ANKRD9: variants seen among roughly 807,000 people sequenced by gnomAD.
ANKRD9 encodes ankyrin repeat domain 9.
In ANKRD9, 13 loss-of-function variants were observed where a neutral mutation model predicts 19.2. The observed-to-expected ratio is 0.68, with a 90% CI of 0.44 to 1.08. The LOEUF is 1.08. Ranked by LOEUF, ANKRD9 falls within the 50% of genes least tolerant of loss-of-function variation. ANKRD9 has a pLI of 0.00. For synonymous variants in ANKRD9, 278 were observed against 256.8 expected, an observed-to-expected ratio of 1.08 and a Z score of -0.79; for missense variants, 518 against 499.9, an observed-to-expected ratio of 1.04 and a Z score of -0.34.
Position 102,505,271 on chromosome 14 carries a change from A to ACCCC in ANKRD9, c.*1664_*1665insGGGG, listed in dbSNP as rs1273549137. ...CTTCCATACCCTCCAAAGGAGAGGCACCTCCCCCCCCCATGGCATCTCCAA... is the reference window on the plus strand; with the variant it reads ...CTTCCATACCCTCCAAAGGAGAGGCACCCCCCTCCCCCCCCCATGGCATCTCCAA... On this transcript the variant is annotated 3_prime_UTR_variant, in exon 4 of 4. Transcript: ENST00000286918. The ACCCC allele has an allele frequency of 7.3e-5, 9 of 123,810 alleles. No homozygotes were observed. The highest frequency in any genetic ancestry group is 1.3e-4 in the Non-Finnish European group (7 of 52,798). The allele number at this position is 123,810 out of a possible 1,614,324, so 7.7% of individuals were successfully genotyped here.
Position 102,507,456 on chromosome 14 carries a change from G to T in ANKRD9, c.434C>A (p.Ala145Glu). 2 of 1,397,150 alleles carry T rather than the reference G, an allele frequency of 1.4e-6. No homozygotes were observed. The highest frequency in any genetic ancestry group is 1.9e-6 in the Non-Finnish European group (2 of 1,071,796). The allele number at this position is 1,397,150 out of a possible 1,614,324, so 86.5% of individuals were successfully genotyped here. A position where few individuals can be genotyped will look rare whatever the true frequency, so the allele number is the denominator to read the frequency against. The change falls in exon 4 of 4, where the codon GCG (alanine) becomes GAG (glutamate). Residue 145 changes from alanine (A) to glutamate (E), a missense_variant. By Grantham distance (107) the Ala-to-Glu change is moderately radical. Transcript: ENST00000286918. The surrounding 1 kb of genome is among the most constrained non-coding windows in gnomAD (Gnocchi z 9.2). ...TLRDFPAEER[A>E]RVLDRRGCSR... ...GCAGCCACGCCGGTCCAGCACGCGC[G>T]CCCGCTCCTCGGCCGGGAAGTCGCG... is the stretch of plus-strand genomic sequence containing the variant.
rs1251112443 is a variant in ANKRD9, at chr14:102,507,059, C to A, written c.831G>T (p.Ser277=). 1 of 1,555,450 alleles carries A rather than the reference C, an allele frequency of 6.4e-7. No homozygotes were observed. The highest frequency in any genetic ancestry group is 1.9e-5 in the Admixed American group (1 of 53,236). Residue 277 remains serine (S), a synonymous_variant, in exon 4 of 4, where the codon TCG becomes TCT. Transcript: ENST00000286918. The surrounding 1 kb of genome is among the most constrained non-coding windows in gnomAD (Gnocchi z 9.2). ...FQWLAGLAPP[S]LFARAMQVLV... Reference sequence around the variant, plus strand: ...GCACCTGCATGGCGCGCGCGAAGAGCGAGGGCGGCGCCAGGCCCGCCAGCC... The same window carrying A: ...GCACCTGCATGGCGCGCGCGAAGAGAGAGGGCGGCGCCAGGCCCGCCAGCC...
chr14:102,508,301 T>G lies in ANKRD9; in HGVS notation c.-54+174A>C, dbSNP rs1891679228. ...TAAGCCAGGTTCATACGACCCCAAATAAAGAAAAGGCCAGGGAGGGGATGA... is the reference window on the plus strand; with the variant it reads ...TAAGCCAGGTTCATACGACCCCAAAGAAAGAAAAGGCCAGGGAGGGGATGA... On this transcript the variant is annotated intron_variant, in intron 3 of 3. Coordinates refer to ENST00000286918, the MANE Select transcript of ANKRD9 (RefSeq NM_152326.4). This position sits in a 1 kb window ranked among gnomAD's most constrained non-coding sequence, Gnocchi z 6.2. Among the ~76,000 whole-genome samples, 1 of 151,800 alleles carries G rather than the reference T, an allele frequency of 6.6e-6. No individual in the cohort carries two copies. Among genetic ancestry groups the G allele is most frequent in the Non-Finnish European group, 1.5e-5 (1 of 67,954 alleles).
rs1370688328 is a variant in ANKRD9 at position 102,507,046 on chromosome 14, C to A, written c.844G>T (p.Ala282Ser). The change falls in exon 4 of 4, where the codon GCC (alanine) becomes TCC (serine). Residue 282 changes from alanine (A) to serine (S), a missense_variant. Physicochemically the swap from Ala to Ser is moderately conservative, Grantham distance 99. Transcript: ENST00000286918. The surrounding 1 kb of genome is among the most constrained non-coding windows in gnomAD (Gnocchi z 9.2). ...GLAPPSLFARAMQVLVTAISP... is the reference protein window; with the variant it reads ...GLAPPSLFARSMQVLVTAISP... ...ATGGCGGTGACCAGCACCTGCATGG[C>A]GCGCGCGAAGAGCGAGGGCGGCGCC... The A allele has an allele frequency of 6.3e-7, 1 of 1,575,768 alleles. No homozygotes were observed. The highest frequency in any genetic ancestry group is 2.3e-5 in the East Asian group (1 of 42,740).
Position 102,507,062 on chromosome 14 carries a change from G to C in ANKRD9, c.828C>G (p.Pro276=). Residue 276 remains proline (P), a synonymous_variant, in exon 4 of 4, where the codon CCC becomes CCG. Coordinates refer to ENST00000286918, the MANE Select transcript of ANKRD9 (RefSeq NM_152326.4). This position sits in a 1 kb window ranked among gnomAD's most constrained non-coding sequence, Gnocchi z 9.2. The part of the protein sequence containing the change: ...KFQWLAGLAP[P]SLFARAMQVL... ...CCTGCATGGCGCGCGCGAAGAGCGA[G>C]GGCGGCGCCAGGCCCGCCAGCCACT... is the stretch of plus-strand genomic sequence containing the variant. 1 of 1,555,104 alleles carries C rather than the reference G, an allele frequency of 6.4e-7. No individual in the cohort carries two copies. The highest frequency in any genetic ancestry group is 8.6e-7 in the Non-Finnish European group (1 of 1,160,242).
rs559020730 is a variant in ANKRD9, at chr14:102,506,834, G to C, written c.*102C>G. 34 of 1,273,486 alleles carry C rather than the reference G, an allele frequency of 2.7e-5. No homozygotes were observed. In the South Asian group the frequency reaches 8.4e-4, roughly 32 times the overall value. The allele number at this position is 1,273,486 out of a possible 1,614,324, so 78.9% of individuals were successfully genotyped here. On this transcript the variant is annotated 3_prime_UTR_variant, in exon 4 of 4. Coordinates refer to ENST00000286918, the MANE Select transcript of ANKRD9 (RefSeq NM_152326.4). ...AGCCCCCAGTGCATGCGACAGATGAGGCAGAGATTGTGCCGTACAGAGATC... is the reference window on the plus strand; with the variant it reads ...AGCCCCCAGTGCATGCGACAGATGACGCAGAGATTGTGCCGTACAGAGATC...
rs1891650884 is a variant in ANKRD9, at chr14:102,507,568, G to C, written c.322C>G (p.Arg108Gly). 7.3e-7 allele frequency: 1 copy of C among 1,364,314 alleles called. No individual in the cohort carries two copies. Among genetic ancestry groups the C allele is most frequent in the African/African-American group, 1.5e-5 (1 of 65,240 alleles). The allele number at this position is 1,364,314 out of a possible 1,614,324, so 84.5% of individuals were successfully genotyped here. The part of the protein sequence containing the change: ...RALAPPSAGF[R>G]CCAAPGPHVA... ...TGCGGCCCGGGAGCCGCGCAGCAGC[G>C]GAAGCCGGCACTGGGCGGTGCGAGC... The change falls in exon 4 of 4, where the codon CGC becomes GGC. Residue 108 changes from arginine (R) to glycine (G), a missense_variant. Coordinates refer to ENST00000286918, the MANE Select transcript of ANKRD9 (RefSeq NM_152326.4). This position sits in a 1 kb window ranked among gnomAD's most constrained non-coding sequence, Gnocchi z 9.2.
rs894949990 is a variant in ANKRD9, at chr14:102,507,466, C to T, written c.424G>A (p.Glu142Lys). The change falls in exon 4 of 4, where the codon GAG (glutamate) becomes AAG (lysine). Residue 142 changes from glutamate to lysine, a missense_variant. Coordinates refer to ENST00000286918, the MANE Select transcript of ANKRD9 (RefSeq NM_152326.4). The surrounding 1 kb of genome is among the most constrained non-coding windows in gnomAD (Gnocchi z 9.2). ...CGGTCCAGCACGCGCGCCCGCTCCT[C>T]GGCCGGGAAGTCGCGCAAGGTGCGC... is the stretch of plus-strand genomic sequence containing the variant. ...ILRTLRDFPA[E>K]ERARVLDRRG... 3.6e-6 allele frequency: 5 copies of T among 1,398,860 alleles called. No homozygotes were observed. Among genetic ancestry groups the T allele is most frequent in the Admixed American group, 5.5e-5 (2 of 36,106 alleles). The allele number at this position is 1,398,860 out of a possible 1,614,324, so 86.7% of individuals were successfully genotyped here.
At position 102,507,487 on chromosome 14, in the gene ANKRD9, T is replaced by C; in HGVS notation, c.403A>G (p.Thr135Ala). 1 of 1,389,622 alleles carries C rather than the reference T, an allele frequency of 7.2e-7. No homozygotes were observed. Among genetic ancestry groups the C allele is most frequent in the Non-Finnish European group, 9.4e-7 (1 of 1,069,360 alleles). The allele number at this position is 1,389,622 out of a possible 1,614,324, so 86.1% of individuals were successfully genotyped here. ...TCCTCGGCCGGGAAGTCGCGCAAGG[T>C]GCGCAGGATGCGGCGCAGAATGCCC... ...RVGILRRILR[T>A]LRDFPAEERA... Residue 135 changes from threonine (T) to alanine (A), a missense_variant, in exon 4 of 4, where the codon ACC becomes GCC. Transcript: ENST00000286918. This position sits in a 1 kb window ranked among gnomAD's most constrained non-coding sequence, Gnocchi z 9.2.
rs1891736653 is a variant in ANKRD9, at chr14:102,509,746, C to A, written c.-552G>T. ...GCGGCGGGCGGCGGGCGGCGGGCGG[C>A]GGGCGGCGCAGTGCGGCCCCGGCCA... is the stretch of plus-strand genomic sequence containing the variant. On this transcript the variant is annotated 5_prime_UTR_variant, in exon 1 of 4. Transcript: ENST00000286918. 1 of 144,298 alleles carries A rather than the reference C, an allele frequency of 6.9e-6. No individual in the cohort carries two copies. Among genetic ancestry groups the A allele is most frequent in the South Asian group, 2.2e-4 (1 of 4,526 alleles). The allele number at this position is 144,298 out of a possible 1,614,324, so 8.9% of individuals were successfully genotyped here.
Position 102,502,967 on chromosome 14 carries a change from C to G in ANKRD9, c.*3969G>C, listed in dbSNP as rs1694003758. The G allele has an allele frequency of 6.6e-6, 1 of 152,178 alleles. No individual in the cohort carries two copies. Among genetic ancestry groups the G allele is most frequent in the Non-Finnish European group, 1.5e-5 (1 of 68,048 alleles). The allele number at this position is 152,178 out of a possible 1,614,324, so 9.4% of individuals were successfully genotyped here. A position where few individuals can be genotyped will look rare whatever the true frequency, so the allele number is the denominator to read the frequency against. ...CAGTGGCTCACACTTGTAACCCCAG[C>G]ACTTTGGGAGGCTGAGGCGGGCGGA... On this transcript the variant is annotated 3_prime_UTR_variant, in exon 4 of 4. Coordinates refer to ENST00000286918, the MANE Select transcript of ANKRD9 (RefSeq NM_152326.4).
At position 102,508,185 on chromosome 14, in the gene ANKRD9, C is replaced by T. The variant is rs1423330069; in HGVS notation, c.-53-243G>A. 6.6e-6 allele frequency among the ~76,000 whole-genome samples: 1 copy of T among 152,176 alleles called. No individual in the cohort carries two copies. The highest frequency in any genetic ancestry group is 1.5e-5 in the Non-Finnish European group (1 of 68,030). On this transcript the variant is annotated intron_variant, in intron 3 of 3. Coordinates refer to ENST00000286918, the MANE Select transcript of ANKRD9 (RefSeq NM_152326.4). This position sits in a 1 kb window ranked among gnomAD's most constrained non-coding sequence, Gnocchi z 6.2. ...TTGAAACTGACTTGCTCTCTGGCAC[C>T]TCTGCTGGAAATGCCCTTGCTGCCC...
Position 102,507,640 on chromosome 14 carries a change from G to T in ANKRD9, c.250C>A (p.His84Asn). ...AGCAGGTAATGCGCGTACGCTTGGT[G>T]GTCGTGCACGAGCGCGTAGAGCAGC... ...EALLYALVHD[H>N]QAYAHYLLAT... is the part of the protein sequence containing the mutation. Residue 84 changes from histidine to asparagine, a missense_variant, in exon 4 of 4, where the codon CAC (histidine) becomes AAC (asparagine). His to Asn is a moderately conservative substitution (Grantham distance 68). Coordinates refer to ENST00000286918, the MANE Select transcript of ANKRD9 (RefSeq NM_152326.4). The surrounding 1 kb of genome is among the most constrained non-coding windows in gnomAD (Gnocchi z 9.2). 6.5e-7 allele frequency: 1 copy of T among 1,539,110 alleles called. No individual in the cohort carries two copies. The highest frequency in any genetic ancestry group is 2.5e-5 in the East Asian group (1 of 39,958).
At position 102,503,973 on chromosome 14, in the gene ANKRD9, C is replaced by T. The variant is rs1891515104; in HGVS notation, c.*2963G>A. 6.6e-6 allele frequency: 1 copy of T among 152,302 alleles called. No individual in the cohort carries two copies. Among genetic ancestry groups the T allele is most frequent in the Non-Finnish European group, 1.5e-5 (1 of 68,076 alleles). 9.4% of individuals were successfully genotyped at this position (152,302 alleles called of 1,614,324 possible). The stretch of plus-strand genomic sequence containing the variant: ...GTACTATCAGGATGAAGTCAGCACG[C>T]AGAGCAAGGCCAGCGAGGCCCAGGC... On this transcript the variant is annotated 3_prime_UTR_variant, in exon 4 of 4. Transcript: ENST00000286918.
chr14:102,507,206 G>T lies in ANKRD9; in HGVS notation c.684C>A (p.Arg228=). The T allele has an allele frequency of 7.7e-7, 1 of 1,294,090 alleles. No individual in the cohort carries two copies. The highest frequency in any genetic ancestry group is 2.1e-5 in the South Asian group (1 of 46,632). The allele number at this position is 1,294,090 out of a possible 1,614,324, so 80.2% of individuals were successfully genotyped here. ...GCGCCAGGAGGTCCAGCAGCAGCAGGCGGCGCTGGCGCGGCTCCCCGGGAG... is the reference window on the plus strand; with the variant it reads ...GCGCCAGGAGGTCCAGCAGCAGCAGTCGGCGCTGGCGCGGCTCCCCGGGAG... The part of the protein sequence containing the change: ...ASAPGEPRQR[R]LLLLDLLALY... The change falls in exon 4 of 4, where the codon CGC becomes CGA. Residue 228 remains arginine (R), a synonymous_variant. Coordinates refer to ENST00000286918, the MANE Select transcript of ANKRD9 (RefSeq NM_152326.4). This position sits in a 1 kb window ranked among gnomAD's most constrained non-coding sequence, Gnocchi z 9.2.
Position 102,506,958 on chromosome 14 carries a change from A to C in ANKRD9, c.932T>G (p.Leu311Trp). 1 of 1,548,316 alleles carries C rather than the reference A, an allele frequency of 6.5e-7. No individual in the cohort carries two copies. Among genetic ancestry groups the C allele is most frequent in the Non-Finnish European group, 8.7e-7 (1 of 1,146,280 alleles). ...GGCCTAGCCTTTGCCAGTGAGGTCC[A>C]ACGGCTGCAGGAATGGGGGCAGCGG... is the stretch of plus-strand genomic sequence containing the variant. ...ELPLPPFLQP[L>W]DLTGKG is the part of the protein sequence containing the mutation. Residue 311 changes from leucine to tryptophan, a missense_variant, in exon 4 of 4, where the codon TTG becomes TGG. Leu to Trp is a moderately conservative substitution (Grantham distance 61, BLOSUM62 -2). Coordinates refer to ENST00000286918, the MANE Select transcript of ANKRD9 (RefSeq NM_152326.4).
At position 102,507,245 on chromosome 14, in the gene ANKRD9, TCCGGCGGCGGAGGGAGTGGCC is replaced by T. The variant is rs950453168; in HGVS notation, c.624_644del (p.Thr210_Ala216del). On this transcript the variant is annotated inframe_deletion, in exon 4 of 4. Transcript: ENST00000286918. The surrounding 1 kb of genome is among the most constrained non-coding windows in gnomAD (Gnocchi z 9.2). ...GCTCCCCGGGAGCTGAGGCGGGGGC[TCCGGCGGCGGAGGGAGTGGCC>T]CCGGCGTCGCGGCCCAGCTGGCGCA... The T allele has an allele frequency of 2.7e-4, 334 of 1,235,180 alleles. No homozygotes were observed. The highest frequency in any genetic ancestry group is 3.4e-4 in the Non-Finnish European group (332 of 988,802). The allele number at this position is 1,235,180 out of a possible 1,614,324, so 76.5% of individuals were successfully genotyped here.
rs538823929 is a variant in ANKRD9 at position 102,501,796 on chromosome 14, T to G, written c.*5140A>C. On this transcript the variant is annotated 3_prime_UTR_variant, in exon 4 of 4. Transcript: ENST00000286918. ...CATAAATATATTTATTAAAAACCAA[T>G]AGGAGGAGCACTTCGAGTCGAGTGT... 6.6e-6 allele frequency: 1 copy of G among 152,026 alleles called. No individual in the cohort carries two copies. 9.4% of individuals were successfully genotyped at this position (152,026 alleles called of 1,614,324 possible).
At position 102,505,811 on chromosome 14, in the gene ANKRD9, G is replaced by A. The variant is rs779621019; in HGVS notation, c.*1125C>T. 5.6e-4 allele frequency: 85 copies of A among 152,396 alleles called. No homozygotes were observed. The highest frequency in any genetic ancestry group is 1.1e-3 in the Non-Finnish European group (73 of 68,164). The allele number at this position is 152,396 out of a possible 1,614,324, so 9.4% of individuals were successfully genotyped here. ...ACGCTGGGGGCAGGGTGGGCAGCAGGTGCCCCCCACCAGGATAGTGGTTCT... is the reference window on the plus strand; with the variant it reads ...ACGCTGGGGGCAGGGTGGGCAGCAGATGCCCCCCACCAGGATAGTGGTTCT... On this transcript the variant is annotated 3_prime_UTR_variant, in exon 4 of 4. Coordinates refer to ENST00000286918, the MANE Select transcript of ANKRD9 (RefSeq NM_152326.4).
Sources: gnomAD v4.1 joint callset for allele counts (sites outside exome capture counted in the v4.1 genomes callset) on GRCh38, gnomAD v4.1.1 for gene constraint, Gnocchi (gnomAD v3.1) non-coding constraint, MANE v1.5 for transcripts, NCBI Gene and HGNC (gene_info 2026-07-23, HGNC 2026-07-21) for gene names.